RALYL: variants seen among roughly 807,000 people sequenced by gnomAD.
RALYL encodes RNA-binding Raly-like protein.
Under a neutral mutation model 35.1 loss-of-function variants are expected in RALYL, and 29 were observed. The observed-to-expected ratio is 0.83, with a 90% CI of 0.61 to 1.13. The LOEUF is 1.13. Among genes scored for constraint, RALYL ranks in the 50% most tolerant of loss-of-function variants. RALYL has a pLI of 0.00. For missense variants in RALYL, 359 were observed against 360.4 expected (o/e 1.00, Z 0.03); for synonymous variants, 120 against 127.6 (o/e 0.94, Z 0.40).
intron 1 of RALYL, among the ~76,000 whole-genome samples, chr8:84,253,435 C>T (rs959514035): frequency 1.3e-5 from 2 of 150,574 alleles, no homozygotes; most frequent in Middle Eastern, 3.2e-3. Flanking sequence ...CTCCCAATCT[C>T]GTGATCCGCC....
At chr8:84,479,357 C>A (rs1332271294) in intron 1 of RALYL, among the ~76,000 whole-genome samples, 1 of 151,970 alleles carries the variant, frequency 6.6e-6, no homozygotes, top group Non-Finnish European at 1.5e-5. Context: ...CAAAGATAGG[C>A]AACATAGCCT....
intron 1 of RALYL, among the ~76,000 whole-genome samples, chr8:84,192,031 G>A (rs942451906): frequency 4.6e-5 from 7 of 152,162 alleles, no homozygotes; most frequent in Non-Finnish European, 1.0e-4. Flanking sequence ...GCATCTGCAA[G>A]TCATCGTTTT....
intron 1 of RALYL, among the ~76,000 whole-genome samples, chr8:84,453,338 A>T (rs149520010): frequency 6.6e-6 from 1 of 152,010 alleles, no homozygotes; most frequent in East Asian, 1.9e-4. Context: ...TCTACTTCAG[A>T]CATGATATCT....
chr8:84,694,974 A>T (rs1589057263), intron 2 of RALYL, among the ~76,000 whole-genome samples: 1 of 151,834 alleles, frequency 6.6e-6, no homozygotes, highest in Admixed American at 6.6e-5. Flanking sequence ...TAAATATATA[A>T]TAGTTGAGGA....
At chr8:84,571,538 T>A (rs1326960300) in intron 2 of RALYL, among the ~76,000 whole-genome samples, 1 of 151,834 alleles carries the variant, frequency 6.6e-6, no homozygotes, top group African/African-American at 2.4e-5. Context: ...TCTATCAATT[T>A]TGTTTATCCT....
intron 2 of RALYL, among the ~76,000 whole-genome samples, chr8:84,734,833 G>A (rs569970468): frequency 2.0e-5 from 3 of 152,078 alleles, no homozygotes; most frequent in African/African-American, 7.2e-5. Flanking sequence ...ATGATAAGGT[G>A]CACCAAAGTA....
At chr8:84,430,399 T>C (rs186747959) in intron 1 of RALYL, among the ~76,000 whole-genome samples, 56 of 152,304 alleles carry the variant, frequency 3.7e-4, no homozygotes, top group Non-Finnish European at 7.2e-4. Context: ...TTTCTTTTAA[T>C]TTTTGTACTC....
At chr8:84,425,839 G>C (rs1301261023) in intron 1 of RALYL, among the ~76,000 whole-genome samples, 1 of 147,310 alleles carries the variant, frequency 6.8e-6, no homozygotes, top group Non-Finnish European at 1.5e-5. Flanking sequence ...TGCTTGAAAG[G>C]TAGTCAGCTA....
intron 1 of RALYL, among the ~76,000 whole-genome samples, chr8:84,224,370 C>A (rs1403283351): frequency 2.0e-5 from 3 of 152,206 alleles, no homozygotes; most frequent in Non-Finnish European, 4.4e-5. Context: ...AATATTTGCA[C>A]CGGTGGGAGA....
At chr8:84,872,415 T>C (rs1393517018) in intron 6 of RALYL, 1 of 152,188 alleles carries the variant, frequency 6.6e-6, no homozygotes, top group Non-Finnish European at 1.5e-5. Flanking sequence ...GTAAATTTTT[T>C]ACAAATATAA....
intron 1 of RALYL, among the ~76,000 whole-genome samples, chr8:84,410,650 T>C (rs2044005439): frequency 6.6e-6 from 1 of 151,862 alleles, no homozygotes; most frequent in Admixed American, 6.6e-5. Context: ...CAGTGAAGAA[T>C]GACCCCATTT....
intron 1 of RALYL, among the ~76,000 whole-genome samples, chr8:84,260,637 A>G (rs1049521481): frequency 6.6e-6 from 1 of 152,166 alleles, no homozygotes; most frequent in Non-Finnish European, 1.5e-5. Flanking sequence ...GAGAGGAGCA[A>G]TATGCATGAA....
At chr8:84,202,697 T>G (rs1297337875) in intron 1 of RALYL, among the ~76,000 whole-genome samples, 1 of 152,120 alleles carries the variant, frequency 6.6e-6, no homozygotes. Flanking sequence ...GAAGTAATTT[T>G]TATGTATCTT....
chr8:84,403,139 G>C (rs1312751283), intron 1 of RALYL, among the ~76,000 whole-genome samples: 2 of 151,930 alleles, frequency 1.3e-5, no homozygotes, highest in African/African-American at 4.8e-5. Flanking sequence ...GTTTCTTTTT[G>C]CTGTGCAGAA....
At chr8:84,848,132 C>T (rs75168869) in intron 4 of RALYL, among the ~76,000 whole-genome samples, 7,688 of 151,942 alleles carry the variant, frequency 0.051, 630 homozygotes, top group African/African-American at 0.18. Context: ...ACCATATGAC[C>T]GAGCAATTCC....
intron 1 of RALYL, among the ~76,000 whole-genome samples, chr8:84,444,471 G>A (rs2048660533): frequency 6.6e-6 from 1 of 152,112 alleles, no homozygotes; most frequent in Non-Finnish European, 1.5e-5. Context: ...CTCCCAGTTA[G>A]CCTTCTTCTG....
chr8:84,198,702 A>G (rs1211881150), intron 1 of RALYL, among the ~76,000 whole-genome samples: 2 of 152,080 alleles, frequency 1.3e-5, no homozygotes, highest in Non-Finnish European at 2.9e-5. Flanking sequence ...TATCTCCATG[A>G]GTTTGGGGAC....
intron 3 of RALYL, among the ~76,000 whole-genome samples, chr8:84,802,788 T>C (rs1225056408): frequency 6.6e-6 from 1 of 152,122 alleles, no homozygotes; most frequent in Non-Finnish European, 1.5e-5. Context: ...GCAGCATTGA[T>C]GGAAGCTTAG....
chr8:84,590,038 T>C lies in RALYL; in HGVS notation c.256+60461T>C, dbSNP rs542869809. Among the ~76,000 whole-genome samples, 12 of 152,328 alleles carry C rather than the reference T, an allele frequency of 7.9e-5. No homozygotes were observed. The East Asian group carries it at 2.3e-3, about 29-fold the overall frequency. On this transcript the variant is annotated intron_variant, in intron 2 of 8. Transcript: ENST00000521268. ...ATTGATAACACTGAATCTGGTGTGG[T>C]TTAATTCCTTTGTTCTGTACATTTT...
Sources: gnomAD v4.1 joint callset for allele counts (sites outside exome capture counted in the v4.1 genomes callset) on GRCh38, gnomAD v4.1.1 for gene constraint, MANE v1.5 for transcripts, NCBI Gene and HGNC (gene_info 2026-07-23, HGNC 2026-07-21) for gene names.